Variants in TMEFF2 observed in about 807,000 individuals in gnomAD.
The protein encoded by TMEFF2 is transmembrane protein with EGF like and two follistatin like domains 2, also known as tomoregulin-2.
In TMEFF2, 28 loss-of-function variants were observed where a neutral mutation model predicts 53.8. That is an observed-to-expected ratio of 0.52 (90% CI 0.39 to 0.71). The LOEUF is 0.71. Among genes scored for constraint, TMEFF2 ranks in the 30% least tolerant of loss-of-function variants. TMEFF2 has a pLI of 0.00. For synonymous variants in TMEFF2, 162 were observed against 166.3 expected, an observed-to-expected ratio of 0.97 and a Z score of 0.20; for missense variants, 353 against 455.2, an observed-to-expected ratio of 0.78 and a Z score of 2.04.
intron 5 of TMEFF2, among the ~76,000 whole-genome samples, chr2:192,042,236 CAG>C (rs1461653904): frequency 1.3e-5 from 2 of 151,790 alleles, no homozygotes; most frequent in Non-Finnish European, 2.9e-5. Flanking sequence ...ATCTTCATAA[CAG>C]AAATATTTGA....
intron 4 of TMEFF2, among the ~76,000 whole-genome samples, chr2:192,081,560 T>C (rs1047857114): frequency 1.3e-5 from 2 of 152,184 alleles, no homozygotes; most frequent in Non-Finnish European, 2.9e-5. Context: ...GAATCATAAG[T>C]ATTATTTTTT....
rs1051520283 is a variant in TMEFF2 at position 192,106,101 on chromosome 2, A to T, written c.440-48326T>A. Reference sequence around the variant, plus strand: ...TAAATTACATAAATGAAGCTAAAATAATTTAAATACAGTAAAAAATTAGGA... The same window carrying T: ...TAAATTACATAAATGAAGCTAAAATTATTTAAATACAGTAAAAAATTAGGA... On this transcript the variant is annotated intron_variant, in intron 4 of 9. Coordinates refer to ENST00000272771, the MANE Select transcript of TMEFF2 (RefSeq NM_016192.4). Among the ~76,000 whole-genome samples, 10 of 151,966 alleles carry T rather than the reference A, an allele frequency of 6.6e-5. 1 individual carries two copies. Among genetic ancestry groups the T allele is most frequent in the Admixed American group, 6.6e-4 (10 of 15,248 alleles).
chr2:192,090,910 T>C (rs1411073517), intron 4 of TMEFF2, among the ~76,000 whole-genome samples: 1 of 152,118 alleles, frequency 6.6e-6, no homozygotes, highest in African/African-American at 2.4e-5. Context: ...TTCATCTACA[T>C]CTTAAAACTG....
chr2:192,154,323 A>G (rs533251619), intron 4 of TMEFF2, among the ~76,000 whole-genome samples: 22 of 152,132 alleles, frequency 1.4e-4, no homozygotes, highest in African/African-American at 5.3e-4. Flanking sequence ...AGAGCTTTGT[A>G]TAAGAGAGAG....
At chr2:192,070,689 T>C (rs1390157718) in intron 4 of TMEFF2, among the ~76,000 whole-genome samples, 1 of 151,856 alleles carries the variant, frequency 6.6e-6, no homozygotes, top group Non-Finnish European at 1.5e-5. Flanking sequence ...AGGTAAGAAC[T>C]AGTGGTCAGA....
chr2:192,174,523 G>C (rs1464183801), intron 4 of TMEFF2, among the ~76,000 whole-genome samples: 1 of 151,388 alleles, frequency 6.6e-6, no homozygotes, highest in Non-Finnish European at 1.5e-5. Context: ...TCTTCTTTTA[G>C]GTAAAGAGAA....
chr2:192,097,364 T>C lies in TMEFF2; in HGVS notation c.440-39589A>G, dbSNP rs114775389. Among the ~76,000 whole-genome samples the C allele has an allele frequency of 2.8e-3, 432 of 152,356 alleles. 4 individuals carry two copies. The highest frequency in any genetic ancestry group is 0.01 in the African/African-American group (417 of 41,596). The stretch of plus-strand genomic sequence containing the variant: ...TGTCTGTATCATCTTATCTACTCAA[T>C]CAAAACTTACAAAGAGCATATATTC... On this transcript the variant is annotated intron_variant, in intron 4 of 9. Coordinates refer to ENST00000272771, the MANE Select transcript of TMEFF2 (RefSeq NM_016192.4).
At chr2:191,965,364 C>T (rs1357553346) in intron 7 of TMEFF2, among the ~76,000 whole-genome samples, 1 of 152,086 alleles carries the variant, frequency 6.6e-6, no homozygotes, top group South Asian at 2.1e-4. Flanking sequence ...TTAAGTATCT[C>T]CCAAATTTGT....
chr2:192,155,106 A>G (rs1284734986), intron 4 of TMEFF2, among the ~76,000 whole-genome samples: 19 of 151,976 alleles, frequency 1.3e-4, no homozygotes, highest in Non-Finnish European at 1.0e-4. Flanking sequence ...TTGGTGTTGT[A>G]CTATACAATT....
chr2:191,955,565 T>C (rs938872194), intron 8 of TMEFF2, among the ~76,000 whole-genome samples: 35 of 129,506 alleles, frequency 2.7e-4, no homozygotes, highest in African/African-American at 9.8e-4. Context: ...AGGATCTCCC[T>C]TTGTTGCCCA....
chr2:191,971,779 A>G (rs1692647442), intron 7 of TMEFF2, among the ~76,000 whole-genome samples: 1 of 152,206 alleles, frequency 6.6e-6, no homozygotes, highest in Non-Finnish European at 1.5e-5. Context: ...CTGGAAGAGC[A>G]TGCATATTAG....
At chr2:192,167,882 A>G (rs1690808436) in intron 4 of TMEFF2, among the ~76,000 whole-genome samples, 1 of 152,144 alleles carries the variant, frequency 6.6e-6, no homozygotes, top group South Asian at 2.1e-4. Flanking sequence ...TTCCGTGTTG[A>G]TGCATGCATC....
At chr2:192,190,889 A>T (rs11419746) in intron 2 of TMEFF2, among the ~76,000 whole-genome samples, 150,563 of 152,214 alleles carry the variant, frequency 0.99, 74,490 homozygotes, top group Middle Eastern at 1. Context: ...GTTCTATATC[A>T]TTTTTATTCT....
chr2:192,136,698 TCTC>T, intron 4 of TMEFF2, among the ~76,000 whole-genome samples: 1 of 152,014 alleles, frequency 6.6e-6, no homozygotes, highest in Admixed American at 6.6e-5. Flanking sequence ...CCGCTCTCTC[TCTC>T]CTTTCCCTCT....
At chr2:192,163,730 C>T (rs1462490311) in intron 4 of TMEFF2, among the ~76,000 whole-genome samples, 3 of 152,122 alleles carry the variant, frequency 2.0e-5, no homozygotes, top group African/African-American at 7.2e-5. Flanking sequence ...TAAAATAATG[C>T]TTTTTATGAC....
At chr2:191,966,813 T>C (rs1692485103) in intron 7 of TMEFF2, among the ~76,000 whole-genome samples, 1 of 152,184 alleles carries the variant, frequency 6.6e-6, no homozygotes, top group Non-Finnish European at 1.5e-5. Flanking sequence ...CAGATATACT[T>C]GATGATACTG....
chr2:191,998,985 G>A (rs2105835729), intron 6 of TMEFF2, 75 bp downstream of exon 6: 3 of 1,441,102 alleles, frequency 2.1e-6, no homozygotes, highest in Non-Finnish European at 2.8e-6. Context: ...TGCCTAATAA[G>A]GAGTTTTCTT....
Position 191,991,763 on chromosome 2 carries a change from C to T in TMEFF2, c.745+6499G>A, listed in dbSNP as rs1299527689. Among the ~76,000 whole-genome samples, 4 of 152,028 alleles carry T rather than the reference C, an allele frequency of 2.6e-5. No homozygotes were observed. The East Asian group carries it at 5.8e-4, about 22-fold the overall frequency. On this transcript the variant is annotated intron_variant, in intron 7 of 9. Coordinates refer to ENST00000272771, the MANE Select transcript of TMEFF2 (RefSeq NM_016192.4). Reference sequence around the variant, plus strand: ...AAGTGCACATAAATGATGCAGGATGCGTTTATGAACTGGTGCATAAATACA... The same window carrying T: ...AAGTGCACATAAATGATGCAGGATGTGTTTATGAACTGGTGCATAAATACA...
At chr2:192,151,024 T>C (rs1388550953) in intron 4 of TMEFF2, among the ~76,000 whole-genome samples, 5 of 151,796 alleles carry the variant, frequency 3.3e-5, no homozygotes, top group Non-Finnish European at 7.4e-5. Flanking sequence ...GATTGGATCA[T>C]GGGGGCATTT....
Sources: allele counts gnomAD v4.1 joint callset (sites outside exome capture counted in the v4.1 genomes callset), GRCh38; gene constraint gnomAD v4.1.1; transcripts MANE v1.5; gene names NCBI Gene and HGNC (gene_info 2026-07-23, HGNC 2026-07-21).